WNT3: variants seen among roughly 807,000 people sequenced by gnomAD.
WNT3 encodes Wnt family member 3.
In WNT3, 7 loss-of-function variants were observed where a neutral mutation model predicts 34.2. That is an observed-to-expected ratio of 0.20 (90% confidence interval 0.12 to 0.38). The LOEUF is 0.38. Ranked by LOEUF, WNT3 falls within the 10% of genes least tolerant of loss-of-function variation. WNT3 has a pLI of 1.00. For synonymous variants in WNT3, 212 were observed against 211.5 expected, an observed-to-expected ratio of 1.00 and a Z score of -0.02; for missense variants, 267 against 499.8, an observed-to-expected ratio of 0.53 and a Z score of 4.44.
At chr17:46,798,056 G>A (rs2146437136) in intron 1 of WNT3, among the ~76,000 whole-genome samples, 1 of 152,246 alleles carries the variant, frequency 6.6e-6, no homozygotes, top group Admixed American at 6.5e-5. Context: ...AGCCTCCCGA[G>A]TAGCTAGGAC....
intron 1 of WNT3, among the ~76,000 whole-genome samples, chr17:46,787,809 A>C (rs1310266654): frequency 6.6e-6 from 1 of 152,170 alleles, no homozygotes; most frequent in African/African-American, 2.4e-5. Context: ...AGAAAAAATT[A>C]ACCAGGCGTG....
At position 46,773,858 on chromosome 17, in the gene WNT3, G is replaced by A; in HGVS notation, c.132C>T (p.Leu44=). 1 of 1,613,022 alleles carries A rather than the reference G, an allele frequency of 6.2e-7. No homozygotes were observed. Among genetic ancestry groups the A allele is most frequent in the East Asian group, 2.2e-5 (1 of 44,878 alleles). The change falls in exon 2 of 5, where the codon CTC becomes CTT. Residue 44 remains leucine, a synonymous_variant. Coordinates refer to ENST00000225512, the MANE Select transcript of WNT3 (RefSeq NM_030753.5). ...GGACCAGGCCTGGGATGGAGCCGCAGAGCAGGGGCTGTGAGCCCAGAGATG... is the reference window on the plus strand; with the variant it reads ...GGACCAGGCCTGGGATGGAGCCGCAAAGCAGGGGCTGTGAGCCCAGAGATG... The part of the protein sequence containing the change: ...QYTSLGSQPL[L]CGSIPGLVPK...
At chr17:46,791,774 G>A (rs921552549) in intron 1 of WNT3, among the ~76,000 whole-genome samples, 2 of 152,168 alleles carry the variant, frequency 1.3e-5, no homozygotes, top group African/African-American at 2.4e-5. Flanking sequence ...GCATGGTGGC[G>A]CATGCCTATA....
In WNT3 at chr17:46,779,103, A is replaced by ACACACACACACC. The variant is rs749719578; in HGVS notation, c.81-5195_81-5194insGGTGTGTGTGTG. ...CACACACACACACACACACACACACACCCCAGCCCACTCGGCCTTCCAAAG... is the reference window on the plus strand; with the variant it reads ...CACACACACACACACACACACACACACACACACACACCCCCCAGCCCACTCGGCCTTCCAAAG... On this transcript the variant is annotated intron_variant, in intron 1 of 4. Transcript: ENST00000225512. Among the ~76,000 whole-genome samples, 215 of 133,612 alleles carry ACACACACACACC rather than the reference A, an allele frequency of 1.6e-3. 9 individuals are homozygous for ACACACACACACC. In the East Asian group the frequency reaches 0.029, roughly 18 times the overall value. 87.7% of individuals were successfully genotyped at this position (133,612 alleles called of 152,430 possible).
intron 1 of WNT3, among the ~76,000 whole-genome samples, chr17:46,814,568 G>A (rs894558566): frequency 9.9e-5 from 15 of 152,280 alleles, no homozygotes; most frequent in Admixed American, 3.9e-4. Flanking sequence ...ATCCGATCTG[G>A]TATCTGCCCA....
At chr17:46,796,499 A>C (rs927452940) in intron 1 of WNT3, among the ~76,000 whole-genome samples, 16 of 152,196 alleles carry the variant, frequency 1.1e-4, no homozygotes, top group Admixed American at 1.0e-3. Context: ...GAGGCTGAAG[A>C]CTTAACCACA....
In WNT3 at chr17:46,769,406, G is replaced by A. The variant is rs556740833; in HGVS notation, c.588+377C>T. Among the ~76,000 whole-genome samples the A allele has an allele frequency of 2.6e-5, 4 of 152,150 alleles. No individual in the cohort carries two copies. The South Asian group carries it at 8.3e-4, about 32-fold the overall frequency. Reference sequence around the variant, plus strand: ...GGGAAACTGAGGCTGGGAACTTAACGTGACTCACCCTAGATCATACAAGCA... The same window carrying A: ...GGGAAACTGAGGCTGGGAACTTAACATGACTCACCCTAGATCATACAAGCA... On this transcript the variant is annotated intron_variant, in intron 3 of 4. Transcript: ENST00000225512.
intron 1 of WNT3, among the ~76,000 whole-genome samples, chr17:46,798,031 C>T (rs1383244173): frequency 6.6e-6 from 1 of 152,146 alleles, no homozygotes; most frequent in African/African-American, 2.4e-5. Context: ...TGGATTCAAG[C>T]GATTCTCCTG....
At position 46,779,103 on chromosome 17, in the gene WNT3, A is replaced by ACAC. The variant is rs749719578; in HGVS notation, c.81-5195_81-5194insGTG. ...CACACACACACACACACACACACAC[A>ACAC]CCCCAGCCCACTCGGCCTTCCAAAG... On this transcript the variant is annotated intron_variant, in intron 1 of 4. Transcript: ENST00000225512. Among the ~76,000 whole-genome samples the ACAC allele has an allele frequency of 3.5e-3, 463 of 133,620 alleles. 7 individuals carry two copies. The highest frequency in any genetic ancestry group is 0.012 in the African/African-American group (428 of 36,352). The allele number at this position is 133,620 out of a possible 152,430, so 87.7% of individuals were successfully genotyped here. A position where few individuals can be genotyped will look rare whatever the true frequency, so the allele number is the denominator to read the frequency against.
At chr17:46,770,199 A>C (rs2059351265) in intron 2 of WNT3, 151 bp from the exon 3 acceptor site, 2 of 1,112,128 alleles carry the variant, frequency 1.8e-6, no homozygotes, top group Non-Finnish European at 2.5e-6. Context: ...CAGCTTCCCC[A>C]CCCTCTTTGG....
intron 1 of WNT3, among the ~76,000 whole-genome samples, chr17:46,796,128 T>C (rs2146433600): frequency 6.6e-6 from 1 of 152,258 alleles, no homozygotes; most frequent in Non-Finnish European, 1.5e-5. Flanking sequence ...CCAATCCTGA[T>C]CTTATTGCTA....
intron 1 of WNT3, among the ~76,000 whole-genome samples, chr17:46,779,103 A>ACACACACACCCCCCCCC (rs749719578): frequency 1.5e-5 from 2 of 133,590 alleles, no homozygotes; most frequent in Admixed American, 1.6e-4. Context: ...ACACACACAC[A>ACACACACACCCCCCCCC]CCCCAGCCCA....
At chr17:46,802,874 G>A (rs1451603887) in intron 1 of WNT3, among the ~76,000 whole-genome samples, 1 of 152,108 alleles carries the variant, frequency 6.6e-6, no homozygotes, top group Admixed American at 6.6e-5. Flanking sequence ...ACCAGTAAAC[G>A]TGTGTTCCTG....
intron 1 of WNT3, among the ~76,000 whole-genome samples, chr17:46,788,210 C>G (rs1156424643): frequency 6.6e-6 from 1 of 152,218 alleles, no homozygotes; most frequent in Non-Finnish European, 1.5e-5. Flanking sequence ...TTGCCTCCCA[C>G]TCCACTAAGT....
chr17:46,816,469 A>ACACG (rs1491107186), intron 1 of WNT3, among the ~76,000 whole-genome samples: 3 of 77,446 alleles, frequency 3.9e-5, no homozygotes, highest in East Asian at 1.2e-3. Context: ...TAGACCCAGA[A>ACACG]CACACGCACA....
intron 1 of WNT3, among the ~76,000 whole-genome samples, chr17:46,785,516 C>T (rs1042510387): frequency 6.6e-5 from 10 of 152,220 alleles, no homozygotes; most frequent in South Asian, 2.1e-4. Context: ...CCAGGAGCCC[C>T]GGAAACTCAC....
rs1459372871 is a variant in WNT3 at position 46,773,667 on chromosome 17, C to T, written c.322+1G>A. 1 of 1,270,566 alleles carries T rather than the reference C, an allele frequency of 7.9e-7. No homozygotes were observed. The allele number at this position is 1,270,566 out of a possible 1,614,324, so 78.7% of individuals were successfully genotyped here. A position where few individuals can be genotyped will look rare whatever the true frequency, so the allele number is the denominator to read the frequency against. On this transcript the variant is annotated splice_donor_variant, in intron 2 of 4. Coordinates refer to ENST00000225512, the MANE Select transcript of WNT3 (RefSeq NM_030753.5). LOFTEE classifies it high-confidence loss of function. ...CCCCCCCCTCAGCCCCAAGGCAGTA[C>T]CTTTGTCGAGGACGGGCCCAAAGAT...
chr17:46,791,177 G>A (rs946263159), intron 1 of WNT3, among the ~76,000 whole-genome samples: 1 of 151,352 alleles, frequency 6.6e-6, no homozygotes, highest in South Asian at 2.1e-4. Context: ...CTTGCCTGCA[G>A]CTACATTTCC....
At chr17:46,816,170 C>T (rs2084343317) in intron 1 of WNT3, among the ~76,000 whole-genome samples, 2 of 151,740 alleles carry the variant, frequency 1.3e-5, no homozygotes. Context: ...CTCACATGCC[C>T]AGTCATGAAC....
Sources: gnomAD v4.1 joint callset for allele counts (sites outside exome capture counted in the v4.1 genomes callset) on GRCh38, gnomAD v4.1.1 for gene constraint, MANE v1.5 for transcripts, NCBI Gene and HGNC (gene_info 2026-07-23, HGNC 2026-07-21) for gene names.